TRPC1: variants seen among roughly 807,000 people sequenced by gnomAD.
The protein encoded by TRPC1 is transient receptor potential cation channel subfamily C member 1.
TRPC1 carries 42 observed loss-of-function variants against 88.2 expected under a neutral mutation model. That is an observed-to-expected ratio of 0.48 (90% CI 0.37 to 0.62). The LOEUF (loss-of-function observed/expected upper bound fraction) is 0.62. Ranked by LOEUF, TRPC1 falls within the 20% of genes least tolerant of loss-of-function variation. TRPC1 has a pLI of 0.00. For missense variants in TRPC1, 699 were observed against 957.3 expected (o/e 0.73, Z 3.56); for synonymous variants, 288 against 331.8 (o/e 0.87, Z 1.43).
intron 1 of TRPC1, among the ~76,000 whole-genome samples, chr3:142,731,486 G>A (rs1366768499): frequency 1.4e-5 from 2 of 139,742 alleles, no homozygotes; most frequent in African/African-American, 2.7e-5. Flanking sequence ...CCACGTTCAC[G>A]CCATTCTCCT....
chr3:142,782,635 C>G (rs1465407958), intron 6 of TRPC1, among the ~76,000 whole-genome samples: 7 of 152,156 alleles, frequency 4.6e-5, no homozygotes, highest in Non-Finnish European at 7.4e-5. Flanking sequence ...GGGCTATAAT[C>G]AGCTGGGGGC....
chr3:142,786,882 C>T (rs1012974539), intron 7 of TRPC1, among the ~76,000 whole-genome samples: 7 of 152,118 alleles, frequency 4.6e-5, no homozygotes, highest in Non-Finnish European at 1.5e-5. Context: ...TTACCCCAGT[C>T]TGTATAAGAA....
At chr3:142,805,920 G>A (rs533956033) in intron 12 of TRPC1, 88 bp from the exon 13 acceptor site, 2 of 1,133,780 alleles carry the variant, frequency 1.8e-6, no homozygotes, top group South Asian at 1.6e-5. Context: ...ATTTAAAGAT[G>A]TGTTTGTGTC....
chr3:142,795,061 C>T (rs961409622), intron 9 of TRPC1, among the ~76,000 whole-genome samples: 2 of 151,990 alleles, frequency 1.3e-5, no homozygotes, highest in African/African-American at 4.8e-5. Flanking sequence ...ATGAAATTTT[C>T]ACTGTGACCT....
In TRPC1 at chr3:142,767,381, T is replaced by C. The variant is rs1337324452; in HGVS notation, c.633-10251T>C. Reference sequence around the variant, plus strand: ...ATAGTCCTTTGTCCAGTATGTCTTTTGCAAATATTTTCTCCCAGTCTGTGG... The same window carrying C: ...ATAGTCCTTTGTCCAGTATGTCTTTCGCAAATATTTTCTCCCAGTCTGTGG... On this transcript the variant is annotated intron_variant, in intron 4 of 12. Coordinates refer to ENST00000476941, the MANE Select transcript of TRPC1 (RefSeq NM_001251845.2). This position sits in a 1 kb window ranked among gnomAD's most constrained non-coding sequence, Gnocchi z 5.1. Among the ~76,000 whole-genome samples the C allele has an allele frequency of 6.6e-6, 1 of 151,870 alleles. No individual in the cohort carries two copies. The highest frequency in any genetic ancestry group is 2.4e-5 in the African/African-American group (1 of 41,424).
chr3:142,790,779 T>C (rs1936271345), intron 7 of TRPC1, among the ~76,000 whole-genome samples: 1 of 152,150 alleles, frequency 6.6e-6, no homozygotes, highest in Non-Finnish European at 1.5e-5. Flanking sequence ...ATTTGGTTTC[T>C]TACGTTTGTT....
chr3:142,764,780 G>A (rs774879043), intron 4 of TRPC1, among the ~76,000 whole-genome samples: 11 of 152,042 alleles, frequency 7.2e-5, no homozygotes, highest in African/African-American at 2.2e-4. Flanking sequence ...CTTCCTGTAC[G>A]TGGATATTTA....
chr3:142,749,980 C>T (rs1027097125), intron 4 of TRPC1, among the ~76,000 whole-genome samples: 1 of 152,108 alleles, frequency 6.6e-6, no homozygotes, highest in African/African-American at 2.4e-5. Flanking sequence ...TAGAAGAAAA[C>T]CTAGGCAATA....
intron 4 of TRPC1, among the ~76,000 whole-genome samples, chr3:142,757,341 A>G (rs1349053356): frequency 8.6e-6 from 1 of 116,626 alleles, no homozygotes; most frequent in Non-Finnish European, 1.7e-5. Flanking sequence ...ATCATTCTAT[A>G]AAGACACATG....
chr3:142,753,688 C>T (rs1489106053), intron 4 of TRPC1, among the ~76,000 whole-genome samples: 4 of 140,538 alleles, frequency 2.8e-5, no homozygotes, highest in African/African-American at 1.1e-4. Context: ...TCGCTTGAAC[C>T]TGGGAGGTGG....
rs375835643 is a variant in TRPC1 at position 142,760,134 on chromosome 3, G to A, written c.632+11674G>A. ...AGCCACTGTGCCCGGCCTTGTCTGT[G>A]CTTTTGAGGCCTTACACACAAAAAA... On this transcript the variant is annotated intron_variant, in intron 4 of 12. Coordinates refer to ENST00000476941, the MANE Select transcript of TRPC1 (RefSeq NM_001251845.2). Among the ~76,000 whole-genome samples the A allele has an allele frequency of 3.9e-5, 6 of 152,206 alleles. No individual in the cohort carries two copies. The East Asian group carries it at 7.7e-4, about 20-fold the overall frequency.
intron 9 of TRPC1, among the ~76,000 whole-genome samples, chr3:142,794,853 A>G (rs1028511769): frequency 2.0e-5 from 3 of 152,158 alleles, no homozygotes; most frequent in Admixed American, 2.0e-4. Context: ...GCAAGATGTG[A>G]AAGGATTAAA....
chr3:142,747,756 A>T (rs1044291029), intron 3 of TRPC1, among the ~76,000 whole-genome samples: 1 of 152,234 alleles, frequency 6.6e-6, no homozygotes, highest in African/African-American at 2.4e-5. Context: ...ATTATACAAA[A>T]TGAAGAGTGC....
intron 7 of TRPC1, 61 bp from the exon 8 acceptor site, chr3:142,790,958 T>C: frequency 7.6e-7 from 1 of 1,314,340 alleles, no homozygotes. Flanking sequence ...TCTTAAAGTA[T>C]TATTTAGTTT....
chr3:142,724,629 T>C lies in TRPC1; in HGVS notation c.70T>C (p.Ser24Pro), dbSNP rs775987521. 5.0e-6 allele frequency: 8 copies of C among 1,611,910 alleles called. No individual in the cohort carries two copies. The highest frequency in any genetic ancestry group is 6.8e-6 in the Non-Finnish European group (8 of 1,179,210). The change falls in exon 1 of 13, where the codon TCC becomes CCC. Residue 24 changes from serine to proline, a missense_variant. This residue lies in a region of TRPC1 where 157 missense variants were observed against 127.0 expected (regional missense o/e 1.24). Coordinates refer to ENST00000476941, the MANE Select transcript of TRPC1 (RefSeq NM_001251845.2). This position sits in a 1 kb window ranked among gnomAD's most constrained non-coding sequence, Gnocchi z 5.6. ...CTCCTCCTCCCTGCCTTCCTCTCCATCCTCTTCCTCGCCGAACGAGGTGAT... is the reference window on the plus strand; with the variant it reads ...CTCCTCCTCCCTGCCTTCCTCTCCACCCTCTTCCTCGCCGAACGAGGTGAT... ...ASSSSLPSSP[S>P]SSSPNEVMAL...
chr3:142,799,194 C>T (rs1019270317), intron 9 of TRPC1, among the ~76,000 whole-genome samples: 6 of 151,840 alleles, frequency 4.0e-5, no homozygotes, highest in South Asian at 4.2e-4. Context: ...AGGATTTTTT[C>T]CTCTGTGTGT....
chr3:142,729,223 A>G (rs1304426520), intron 1 of TRPC1, among the ~76,000 whole-genome samples: 2 of 152,222 alleles, frequency 1.3e-5, no homozygotes, highest in South Asian at 4.1e-4. Context: ...TGGTAGTTCT[A>G]TGATACTGGT....
intron 9 of TRPC1, among the ~76,000 whole-genome samples, chr3:142,797,682 G>C (rs891325156): frequency 1.3e-5 from 2 of 152,016 alleles, no homozygotes; most frequent in African/African-American, 4.8e-5. Flanking sequence ...TTCTTTATCC[G>C]TTATTGTGAG....
At chr3:142,741,488 T>G (rs1934347729) in intron 2 of TRPC1, among the ~76,000 whole-genome samples, 1 of 152,212 alleles carries the variant, frequency 6.6e-6, no homozygotes, top group Non-Finnish European at 1.5e-5. Context: ...TATTAACATG[T>G]TTGTCCTTAC....
Sources: gnomAD v4.1 joint callset for allele counts (sites outside exome capture counted in the v4.1 genomes callset) on GRCh38, gnomAD v4.1.1 for gene constraint, gnomAD v4.1.1 regional missense constraint, Gnocchi (gnomAD v3.1) non-coding constraint, MANE v1.5 for transcripts, NCBI Gene and HGNC (gene_info 2026-07-23, HGNC 2026-07-21) for gene names.